PSG1: variants seen among roughly 807,000 people sequenced by gnomAD.
PSG1 encodes pregnancy specific beta-1-glycoprotein 1.
A neutral mutation model predicts 41.4 loss-of-function variants in PSG1; 60 were observed. The observed-to-expected ratio is 1.45, with a 90% CI of 1.18 to 1.80. PSG1 has a LOEUF of 1.80. Among genes scored for constraint, PSG1 ranks in the 40% most tolerant of loss-of-function variants. The pLI is 0.00. For synonymous variants in PSG1, 256 were observed against 192.9 expected, an observed-to-expected ratio of 1.33 and a Z score of -2.71; for missense variants, 806 against 516.9, an observed-to-expected ratio of 1.56 and a Z score of -5.42.
chr19:42,878,459 T>A, intron 1 of PSG1, 181 bp from the exon 2 acceptor site: 1 of 1,104,496 alleles, frequency 9.1e-7, no homozygotes, highest in Non-Finnish European at 1.3e-6. Context: ...TGTGTGTGTA[T>A]GTGTGTGTGT....
In PSG1 at chr19:42,879,394, C is replaced by A. The variant is rs189164942; in HGVS notation, c.64+124G>T. On this transcript the variant is annotated intron_variant, in intron 1 of 5. Coordinates refer to ENST00000436291, the MANE Select transcript of PSG1 (RefSeq NM_001184825.2). The stretch of plus-strand genomic sequence containing the variant: ...ATCTTGAACTTCTGATCTCATGATC[C>A]ACCCACCTCAGACTCCCAAAGTGCT... The A allele has an allele frequency of 3.5e-6, 5 of 1,428,760 alleles. No individual in the cohort carries two copies. The East Asian group carries it at 1.2e-4, about 35-fold the overall frequency. The allele number at this position is 1,428,760 out of a possible 1,614,324, so 88.5% of individuals were successfully genotyped here.
intron 2 of PSG1, among the ~76,000 whole-genome samples, chr19:42,874,429 C>A (rs762489755): frequency 6.6e-6 from 1 of 151,590 alleles, no homozygotes; most frequent in Non-Finnish European, 1.5e-5. Flanking sequence ...TCACTGCAAG[C>A]TCTGCCTCCT....
At chr19:42,872,574 C>A in intron 2 of PSG1, among the ~76,000 whole-genome samples, 1 of 151,564 alleles carries the variant, frequency 6.6e-6, no homozygotes, top group East Asian at 1.9e-4. Context: ...CAGGGGAGAC[C>A]AGAGTCAAGC....
At chr19:42,876,004 C>T (rs576330563) in intron 2 of PSG1, among the ~76,000 whole-genome samples, 8 of 150,928 alleles carry the variant, frequency 5.3e-5, no homozygotes, top group Non-Finnish European at 8.9e-5. Flanking sequence ...GACATTGGCT[C>T]GAGAGGAAGC....
intron 5 of PSG1, chr19:42,867,590 A>T (rs974434783): frequency 1.5e-6 from 1 of 667,076 alleles, no homozygotes; most frequent in Non-Finnish European, 2.7e-6. Flanking sequence ...GTTACAAAGA[A>T]AGCAGATTGT....
chr19:42,879,165 T>C (rs1971757582), intron 1 of PSG1, among the ~76,000 whole-genome samples: 1 of 149,900 alleles, frequency 6.7e-6, no homozygotes, highest in Non-Finnish European at 1.5e-5. Context: ...TTCTTTTTTT[T>C]TTTTTGAGAT....
chr19:42,868,405 A>G, intron 4 of PSG1, 50 bp from the exon 5 acceptor site: 2 of 1,555,976 alleles, frequency 1.3e-6, no homozygotes, highest in Non-Finnish European at 1.7e-6. Flanking sequence ...AGGGAAGGGG[A>G]TGTTCCTGGT....
intron 2 of PSG1, among the ~76,000 whole-genome samples, chr19:42,873,555 A>T (rs928731431): frequency 1.3e-5 from 2 of 151,826 alleles, no homozygotes; most frequent in Admixed American, 6.6e-5. Flanking sequence ...TGGTCCAAAC[A>T]TCTAAGATCA....
rs748232136 is a variant in PSG1, at chr19:42,868,355, T to A, written c.989A>T (p.Tyr330Phe). ...RSDPVTLNVL[Y>F]GPDLPRIYPS... ...GTAAATTCTGGGGAGGTCTGGACCA[T>A]CTGGAGCAAAGAGAATAAAGCCACA... The change falls in exon 5 of 6, where the codon TAT becomes TTT. Residue 330 changes from tyrosine to phenylalanine, a missense_variant and splice_region_variant. Tyr to Phe is a conservative substitution (Grantham distance 22, BLOSUM62 3). Coordinates refer to ENST00000436291, the MANE Select transcript of PSG1 (RefSeq NM_001184825.2). 10 of 1,605,932 alleles carry A rather than the reference T, an allele frequency of 6.2e-6. No homozygotes were observed. The highest frequency in any genetic ancestry group is 8.5e-6 in the Non-Finnish European group (10 of 1,175,046).
intron 2 of PSG1, among the ~76,000 whole-genome samples, chr19:42,873,765 A>T (rs1329043739): frequency 1.3e-5 from 2 of 151,678 alleles, no homozygotes; most frequent in Non-Finnish European, 2.9e-5. Flanking sequence ...GTCAAATTAA[A>T]AGAAGTGATG....
Position 42,872,513 on chromosome 19 carries a change from A to C in PSG1, c.431-468T>G, listed in dbSNP as rs566110456. Among the ~76,000 whole-genome samples the C allele has an allele frequency of 5.2e-4, 79 of 151,612 alleles. 3 individuals carry two copies. In the East Asian group the frequency reaches 5.4e-3, roughly 10 times the overall value. On this transcript the variant is annotated intron_variant, in intron 2 of 5. Coordinates refer to ENST00000436291, the MANE Select transcript of PSG1 (RefSeq NM_001184825.2). ...GATGGAACTTCCCATTGTCCTTAAA[A>C]CCTTTGGGTACTGGAAAGCCTGGCC...
intron 2 of PSG1, chr19:42,876,590 G>A (rs1257098157): frequency 5.3e-6 from 2 of 376,312 alleles, no homozygotes; most frequent in Non-Finnish European, 1.0e-5. Flanking sequence ...CTGTGGTGGT[G>A]TAGAGTGTGA....
At chr19:42,872,798 G>C (rs949124874) in intron 2 of PSG1, among the ~76,000 whole-genome samples, 1 of 151,818 alleles carries the variant, frequency 6.6e-6, no homozygotes, top group Non-Finnish European at 1.5e-5. Flanking sequence ...TCCCCCTGTA[G>C]AGGGCAGTTG....
intron 3 of PSG1, among the ~76,000 whole-genome samples, chr19:42,871,020 C>A (rs1415942501): frequency 6.6e-6 from 1 of 151,490 alleles, no homozygotes; most frequent in African/African-American, 2.4e-5. Context: ...TTTTCCCTCT[C>A]CCTTTGCAGA....
At position 42,867,062 on chromosome 19, in the gene PSG1, C is replaced by T. The variant is rs1600484555; in HGVS notation, c.*72G>A. On this transcript the variant is annotated 3_prime_UTR_variant, in exon 6 of 6. Coordinates refer to ENST00000436291, the MANE Select transcript of PSG1 (RefSeq NM_001184825.2). Reference sequence around the variant, plus strand: ...AGTTGTCCACCTCCAGCTTATAGGGCTTCTGGAACAGAGTGGGTCTTGCTC... The same window carrying T: ...AGTTGTCCACCTCCAGCTTATAGGGTTTCTGGAACAGAGTGGGTCTTGCTC... 2.6e-6 allele frequency: 2 copies of T among 772,086 alleles called. 1 individual carries two copies. The highest frequency in any genetic ancestry group is 4.8e-6 in the Non-Finnish European group (2 of 417,504). The allele number at this position is 772,086 out of a possible 1,614,324, so 47.8% of individuals were successfully genotyped here.
intron 5 of PSG1, 79 bp downstream of exon 5, chr19:42,868,022 T>A (rs780765821): frequency 4.8e-5 from 78 of 1,610,608 alleles, no homozygotes; most frequent in Non-Finnish European, 6.3e-5. Flanking sequence ...GGGAATACAA[T>A]TGTTTTCCTG....
chr19:42,875,404 G>A (rs1971561511), intron 2 of PSG1, among the ~76,000 whole-genome samples: 1 of 151,682 alleles, frequency 6.6e-6, no homozygotes, highest in African/African-American at 2.4e-5. Flanking sequence ...AGTGTCATTG[G>A]GACAGGGTTT....
rs1971780203 is a variant in PSG1 at position 42,879,573 on chromosome 19, G to T, written c.9C>A (p.Thr3=). 7 of 1,610,546 alleles carry T rather than the reference G, an allele frequency of 4.3e-6. 1 individual carries two copies. Among genetic ancestry groups the T allele is most frequent in the South Asian group, 3.3e-5 (3 of 90,794 alleles). MG[T]LSAPPCTQRI... is the part of the protein sequence containing the mutation. ...GCTGTGTGCAGGGAGGGGCTGAGAGGGTTCCCATGGTCTCTGCTGCTTGTG... is the reference window on the plus strand; with the variant it reads ...GCTGTGTGCAGGGAGGGGCTGAGAGTGTTCCCATGGTCTCTGCTGCTTGTG... Residue 3 remains threonine, a synonymous_variant, in exon 1 of 6, where the codon ACC becomes ACA. Transcript: ENST00000436291.
At chr19:42,876,927 C>T (rs1971632395) in intron 2 of PSG1, 1 of 151,768 alleles carries the variant, frequency 6.6e-6, no homozygotes, top group African/African-American at 2.4e-5. Flanking sequence ...ACAGACAGAC[C>T]TCATGTGACC....
Sources: gnomAD v4.1 joint callset for allele counts (sites outside exome capture counted in the v4.1 genomes callset) on GRCh38, gnomAD v4.1.1 for gene constraint, MANE v1.5 for transcripts, NCBI Gene and HGNC (gene_info 2026-07-23, HGNC 2026-07-21) for gene names.